The following GALNT5 variants were observed in gnomAD, a reference collection of about 807,000 sequenced individuals.
GALNT5 encodes the protein UDP-GalNAc:polypeptide N-acetylgalactosaminyltransferase 5.
In GALNT5, 72 loss-of-function variants were observed where a neutral mutation model predicts 85.4. The ratio of observed to expected loss-of-function variants is 0.84; its 90% CI spans 0.70 to 1.03. The LOEUF is 1.03. Ranked by LOEUF, GALNT5 falls within the 50% of genes least tolerant of loss-of-function variation. The pLI is 0.00. For synonymous variants in GALNT5, 404 were observed against 397.0 expected (o/e 1.02, Z -0.21); for missense variants, 1,137 against 1,135.5 (o/e 1.00, Z -0.02).
In GALNT5 at chr2:157,258,541, C is replaced by T; in HGVS notation, c.459C>T (p.Ala153=). 6.2e-7 allele frequency: 1 copy of T among 1,612,900 alleles called. No homozygotes were observed. Among genetic ancestry groups the T allele is most frequent in the South Asian group, 1.1e-5 (1 of 90,980 alleles). ...KTDGRGTKPE[A]SSHQGTPKQT... ...ACGGGAGAGGCACCAAACCTGAAGCCTCCTCTCACCAGGGGACACCAAAGC... is the reference window on the plus strand; with the variant it reads ...ACGGGAGAGGCACCAAACCTGAAGCTTCCTCTCACCAGGGGACACCAAAGC... Residue 153 remains alanine, a synonymous_variant, in exon 1 of 10, where the codon GCC becomes GCT. Transcript: ENST00000259056.
chr2:157,264,172 C>T (rs1056674494), intron 1 of GALNT5, among the ~76,000 whole-genome samples: 2 of 128,824 alleles, frequency 1.6e-5, no homozygotes, highest in South Asian at 2.2e-4. Context: ...AATCAACACA[C>T]ATACACACAC....
At chr2:157,309,128 TG>T (rs1683516839) in intron 9 of GALNT5, among the ~76,000 whole-genome samples, 1 of 152,050 alleles carries the variant, frequency 6.6e-6, no homozygotes, top group Non-Finnish European at 1.5e-5. Flanking sequence ...CACTTTAGAG[TG>T]AATCTGGTTC....
rs1290855634 is a variant in GALNT5 at position 157,317,200 on chromosome 2, T to TATA, written c.*5852_*5853insATA. On this transcript the variant is annotated 3_prime_UTR_variant, in exon 10 of 10. Coordinates refer to ENST00000259056, the MANE Select transcript of GALNT5 (RefSeq NM_014568.3). ...TATATATATATATATATATATATAT[T>TATA]TTTTTTTTTGATGCTTTGATCTGGA... Among the ~76,000 whole-genome samples, 103 of 128,422 alleles carry TATA rather than the reference T, an allele frequency of 8.0e-4. No individual in the cohort carries two copies. The highest frequency in any genetic ancestry group is 8.8e-3 in the Middle Eastern group (2 of 228). 84.2% of individuals were successfully genotyped at this position (128,422 alleles called of 152,430 possible). A position where few individuals can be genotyped will look rare whatever the true frequency, so the allele number is the denominator to read the frequency against.
At chr2:157,286,491 A>G (rs1384146429) in intron 3 of GALNT5, among the ~76,000 whole-genome samples, 2 of 152,040 alleles carry the variant, frequency 1.3e-5, no homozygotes, top group African/African-American at 4.8e-5. Flanking sequence ...CATTGTTCCC[A>G]AAATGTTTTT....
At chr2:157,277,776 A>G (rs1017567103) in intron 1 of GALNT5, among the ~76,000 whole-genome samples, 4 of 152,124 alleles carry the variant, frequency 2.6e-5, no homozygotes, top group African/African-American at 7.2e-5. Flanking sequence ...TGTTTATCCA[A>G]TTTGCCAGAC....
chr2:157,267,621 C>T (rs1682483873), intron 1 of GALNT5, among the ~76,000 whole-genome samples: 1 of 152,224 alleles, frequency 6.6e-6, no homozygotes, highest in Admixed American at 6.5e-5. Flanking sequence ...CTCCTCTTCT[C>T]CCTGCCGTCC....
At position 157,305,834 on chromosome 2, in the gene GALNT5, G is replaced by A. The variant is rs1230985722; in HGVS notation, c.2520+5G>A. The A allele has an allele frequency of 1.9e-6, 3 of 1,550,260 alleles. No homozygotes were observed. Among genetic ancestry groups the A allele is most frequent in the Non-Finnish European group, 2.7e-6 (3 of 1,121,908 alleles). ...GACTGCGATGGGAGCAAAGAGGTATGCTAAACTGTTTTCTATCTCATGGTA... is the reference window on the plus strand; with the variant it reads ...GACTGCGATGGGAGCAAAGAGGTATACTAAACTGTTTTCTATCTCATGGTA... On this transcript the variant is annotated splice_donor_5th_base_variant and intron_variant, in intron 8 of 9. Transcript: ENST00000259056.
At chr2:157,299,944 GAGT>G (rs1272640603) in intron 6 of GALNT5, among the ~76,000 whole-genome samples, 1 of 152,098 alleles carries the variant, frequency 6.6e-6, no homozygotes, top group East Asian at 1.9e-4. Flanking sequence ...AATGCTGTGG[GAGT>G]CATACGTGCT....
In GALNT5 at chr2:157,265,940, CAG is replaced by C. The variant is rs563903772; in HGVS notation, c.1454+6405_1454+6406del. ...TGTGAGAAGCAGCAATATGAGGAAA[CAG>C]TGTTTACAAAGGCTTCACAACTTGC... On this transcript the variant is annotated intron_variant, in intron 1 of 9. Transcript: ENST00000259056. Among the ~76,000 whole-genome samples, 507 of 152,300 alleles carry C rather than the reference CAG, an allele frequency of 3.3e-3. 2 individuals carry two copies. Among genetic ancestry groups the C allele is most frequent in the African/African-American group, 0.011 (470 of 41,560 alleles).
At chr2:157,296,265 AGGT>A (rs772363065) in intron 4 of GALNT5, 126 bp from the exon 5 acceptor site, 12 of 627,944 alleles carry the variant, frequency 1.9e-5, no homozygotes, top group South Asian at 4.6e-5. Context: ...TATTATTAAA[AGGT>A]GGTGATCTAA....
At position 157,312,672 on chromosome 2, in the gene GALNT5, A is replaced by C. The variant is rs1402821694; in HGVS notation, c.*1324A>C. 10 of 152,272 alleles carry C rather than the reference A, an allele frequency of 6.6e-5. 1 individual carries two copies. The highest frequency in any genetic ancestry group is 5.2e-4 in the Admixed American group (8 of 15,282). The allele number at this position is 152,272 out of a possible 1,614,324, so 9.4% of individuals were successfully genotyped here. ...AAAACTGATGCTGAGAGGATAAATT[A>C]CCTAAAAATCTTAAAACCCAGGCAA... On this transcript the variant is annotated 3_prime_UTR_variant, in exon 10 of 10. Coordinates refer to ENST00000259056, the MANE Select transcript of GALNT5 (RefSeq NM_014568.3).
Position 157,296,388 on chromosome 2 carries a change from G to C in GALNT5, c.1878-6G>C, listed in dbSNP as rs762862573. On this transcript the variant is annotated splice_polypyrimidine_tract_variant and splice_region_variant and intron_variant, in intron 4 of 9. Transcript: ENST00000259056. ...ATAACACTTTGTTTTTCATTTCCTGGATTAGTTACATGACAGTGGATAACT... is the reference window on the plus strand; with the variant it reads ...ATAACACTTTGTTTTTCATTTCCTGCATTAGTTACATGACAGTGGATAACT... 3 of 1,605,268 alleles carry C rather than the reference G, an allele frequency of 1.9e-6. No individual in the cohort carries two copies. In the African/African-American group the frequency reaches 4.0e-5, roughly 21 times the overall value.
Position 157,317,978 on chromosome 2 carries a change from G to A in GALNT5, c.*6630G>A, listed in dbSNP as rs935408035. 1.3e-5 allele frequency among the ~76,000 whole-genome samples: 2 copies of A among 152,096 alleles called. No individual in the cohort carries two copies. Among genetic ancestry groups the A allele is most frequent in the Non-Finnish European group, 2.9e-5 (2 of 67,990 alleles). On this transcript the variant is annotated 3_prime_UTR_variant, in exon 10 of 10. Coordinates refer to ENST00000259056, the MANE Select transcript of GALNT5 (RefSeq NM_014568.3). ...CAGAAACCCATATTCATTGTGGTATGTTTCTGTCTGATACTTTAATATTGG... is the reference window on the plus strand; with the variant it reads ...CAGAAACCCATATTCATTGTGGTATATTTCTGTCTGATACTTTAATATTGG...
rs1683293668 is a variant in GALNT5, at chr2:157,299,526, A to T, written c.1998-22A>T. 1.0e-5 allele frequency: 15 copies of T among 1,464,794 alleles called. No homozygotes were observed. The East Asian group carries it at 3.4e-4, about 33-fold the overall frequency. The allele number at this position is 1,464,794 out of a possible 1,614,324, so 90.7% of individuals were successfully genotyped here. On this transcript the variant is annotated intron_variant, in intron 5 of 9. Transcript: ENST00000259056. ...AGCTTTCATGAGATGCAAGTTTAAA[A>T]AACAAACTTTTCTTTTTGTAGGTGC...
At chr2:157,281,013 T>C (rs2105138821) in intron 1 of GALNT5, among the ~76,000 whole-genome samples, 1 of 152,278 alleles carries the variant, frequency 6.6e-6, no homozygotes, top group Middle Eastern at 3.4e-3. Flanking sequence ...CGTGAGCCAA[T>C]TAAACCTCTT....
In GALNT5 at chr2:157,258,044, G is replaced by A. The variant is rs199520254; in HGVS notation, c.-39G>A. On this transcript the variant is annotated 5_prime_UTR_variant, in exon 1 of 10. Transcript: ENST00000259056. ...GCTTCCTCTCCACTCAAGGTAAGCA[G>A]GCTAAGGGAGGGCAGGCTGCTAGGG... is the stretch of plus-strand genomic sequence containing the variant. The A allele has an allele frequency of 4.4e-6, 7 of 1,606,622 alleles. No individual in the cohort carries two copies. In the Admixed American group the frequency reaches 6.7e-5, roughly 15 times the overall value.
intron 6 of GALNT5, 52 bp from the exon 7 acceptor site, chr2:157,300,624 T>C: frequency 7.1e-7 from 1 of 1,401,294 alleles, no homozygotes; most frequent in Non-Finnish European, 1.0e-6. Flanking sequence ...TAAGTGCCGA[T>C]GATTTGTGGA....
intron 9 of GALNT5, among the ~76,000 whole-genome samples, chr2:157,309,430 G>A (rs934497555): frequency 1.3e-5 from 2 of 152,168 alleles, no homozygotes; most frequent in Non-Finnish European, 2.9e-5. Flanking sequence ...CATTCTCAAA[G>A]TCCTCTCCAT....
chr2:157,266,324 G>C (rs776162170), intron 1 of GALNT5, among the ~76,000 whole-genome samples: 1 of 152,076 alleles, frequency 6.6e-6, no homozygotes, highest in Non-Finnish European at 1.5e-5. Context: ...GCCAATGTTG[G>C]GACCCAACCT....
Sources: gnomAD v4.1 joint callset for allele counts (sites outside exome capture counted in the v4.1 genomes callset) on GRCh38, gnomAD v4.1.1 for gene constraint, MANE v1.5 for transcripts, NCBI Gene and HGNC (gene_info 2026-07-23, HGNC 2026-07-21) for gene names.